Variants in MAGI2 observed in about 807,000 individuals in gnomAD.
The protein encoded by MAGI2 is membrane associated guanylate kinase, WW and PDZ domain containing 2.
A neutral mutation model predicts 133.3 loss-of-function variants in MAGI2; 35 were observed. That is an observed-to-expected ratio of 0.26 (90% CI 0.20 to 0.35). The LOEUF (loss-of-function observed/expected upper bound fraction) is 0.35. MAGI2 is among the 10% of genes least tolerant of loss of function. The pLI is 1.00. For synonymous variants in MAGI2, 729 were observed against 710.6 expected (o/e 1.03, Z -0.41); for missense variants, 1,636 against 1,863.4 (o/e 0.88, Z 2.25).
chr7:78,932,278 A>G (rs1040389181), intron 2 of MAGI2, among the ~76,000 whole-genome samples: 26 of 152,238 alleles, frequency 1.7e-4, no homozygotes, highest in Admixed American at 1.6e-3. Flanking sequence ...GATAATGTCA[A>G]AAAGGCCTGC....
intron 2 of MAGI2, among the ~76,000 whole-genome samples, chr7:78,730,412 C>CA (rs34294077): frequency 1.2e-4 from 17 of 138,232 alleles, no homozygotes; most frequent in African/African-American, 2.9e-4. Flanking sequence ...AATACTAAGC[C>CA]AAAAAAAAAA....
At chr7:78,306,447 C>A (rs1412777866) in intron 9 of MAGI2, among the ~76,000 whole-genome samples, 1 of 152,168 alleles carries the variant, frequency 6.6e-6, no homozygotes, top group Non-Finnish European at 1.5e-5. Context: ...CTAGTTGACA[C>A]TGGTTTGTTG....
chr7:79,008,398 T>C (rs2116540565), intron 1 of MAGI2, among the ~76,000 whole-genome samples: 1 of 152,268 alleles, frequency 6.6e-6, no homozygotes, highest in African/African-American at 2.4e-5. Context: ...TCTAAAGTTT[T>C]CAAAATCCAT....
intron 2 of MAGI2, among the ~76,000 whole-genome samples, chr7:78,763,745 T>A (rs1406838109): frequency 6.6e-6 from 1 of 152,162 alleles, no homozygotes; most frequent in Non-Finnish European, 1.5e-5. Flanking sequence ...GACATATAAC[T>A]TTTCATAGGC....
chr7:78,450,479 A>G (rs1033177879), intron 6 of MAGI2, among the ~76,000 whole-genome samples: 29 of 152,110 alleles, frequency 1.9e-4, no homozygotes, highest in Non-Finnish European at 1.3e-4. Flanking sequence ...CATTAATAAG[A>G]TGACTAAGTT....
chr7:78,501,925 T>C, intron 4 of MAGI2, 138 bp from the exon 5 acceptor site: 1 of 634,188 alleles, frequency 1.6e-6, no homozygotes, highest in Non-Finnish European at 2.8e-6. Context: ...TGAAAAAGCA[T>C]AATGATCACT....
At chr7:78,844,281 T>C (rs972712358) in intron 2 of MAGI2, among the ~76,000 whole-genome samples, 1 of 151,694 alleles carries the variant, frequency 6.6e-6, no homozygotes. Flanking sequence ...TGTACGAGAA[T>C]CATCCATCTA....
chr7:78,832,581 T>C (rs892670336), intron 2 of MAGI2, among the ~76,000 whole-genome samples: 2 of 152,206 alleles, frequency 1.3e-5, no homozygotes, highest in African/African-American at 4.8e-5. Context: ...TGAATGCCAG[T>C]TATAAGCTTC....
At chr7:78,720,867 T>A (rs1483662921) in intron 2 of MAGI2, among the ~76,000 whole-genome samples, 1 of 152,084 alleles carries the variant, frequency 6.6e-6, no homozygotes, top group Non-Finnish European at 1.5e-5. Flanking sequence ...CCACAAAGGA[T>A]ATAAAAATAG....
In MAGI2 at chr7:79,147,707, G is replaced by C. The variant is rs550017096; in HGVS notation, c.302-140501C>G. On this transcript the variant is annotated intron_variant, in intron 1 of 21. Transcript: ENST00000354212. ...CATCTTCTCTCTCTGCCCCTCTCCA[G>C]AAACAGACTCTGTGGAGGTGCATGT... Among the ~76,000 whole-genome samples, 6 of 152,234 alleles carry C rather than the reference G, an allele frequency of 3.9e-5. No homozygotes were observed. In the South Asian group the frequency reaches 1.2e-3, roughly 32 times the overall value.
Position 78,859,075 on chromosome 7 carries a change from T to A in MAGI2, c.418+148015A>T, listed in dbSNP as rs538640325. ...GGATTGCAACCCCTGCTTTTTTTTT[T>A]GTTTTCCATTTGCTTGGTAGATCTT... On this transcript the variant is annotated intron_variant, in intron 2 of 21. Coordinates refer to ENST00000354212, the MANE Select transcript of MAGI2 (RefSeq NM_012301.4). 2.0e-5 allele frequency among the ~76,000 whole-genome samples: 3 copies of A among 152,146 alleles called. No individual in the cohort carries two copies. In the East Asian group the frequency reaches 5.8e-4, roughly 29 times the overall value.
intron 2 of MAGI2, among the ~76,000 whole-genome samples, chr7:78,644,903 C>T (rs999172455): frequency 2.0e-5 from 3 of 151,974 alleles, no homozygotes; most frequent in African/African-American, 7.3e-5. Context: ...AGGGAATATA[C>T]AAATTATCAG....
At chr7:78,333,699 G>A (rs1475187969) in intron 9 of MAGI2, among the ~76,000 whole-genome samples, 2 of 152,160 alleles carry the variant, frequency 1.3e-5, no homozygotes, top group Non-Finnish European at 2.9e-5. Context: ...AGCAATGCCT[G>A]GCAAGATCTC....
intron 1 of MAGI2, among the ~76,000 whole-genome samples, chr7:79,264,270 A>T (rs1834287059): frequency 6.6e-6 from 1 of 152,160 alleles, no homozygotes; most frequent in South Asian, 2.1e-4. Flanking sequence ...TTTTTGAGAA[A>T]CAAAATGCTT....
intron 2 of MAGI2, among the ~76,000 whole-genome samples, chr7:78,859,894 G>A (rs976831763): frequency 1.3e-5 from 2 of 152,030 alleles, no homozygotes; most frequent in African/African-American, 2.4e-5. Flanking sequence ...CTTAGATTTG[G>A]TCTTTTCACC....
intron 6 of MAGI2, among the ~76,000 whole-genome samples, chr7:78,415,985 G>A (rs376246810): frequency 3.9e-5 from 6 of 152,092 alleles, no homozygotes; most frequent in Admixed American, 1.3e-4. Flanking sequence ...GGAAGTGGGT[G>A]GGGTGACTCC....
chr7:78,584,296 T>C (rs926899395), intron 3 of MAGI2, among the ~76,000 whole-genome samples: 1 of 151,838 alleles, frequency 6.6e-6, no homozygotes, highest in Non-Finnish European at 1.5e-5. Context: ...GGCAGTCGCC[T>C]GTAATCCCAG....
intron 10 of MAGI2, chr7:78,251,866 G>GGCACAGT (rs1168941402): frequency 1.3e-5 from 2 of 151,798 alleles, no homozygotes; most frequent in Non-Finnish European, 2.9e-5. Flanking sequence ...TCCTAGGCCA[G>GGCACAGT]GCACAGTGAC....
chr7:78,867,198 C>A (rs1046966537), intron 2 of MAGI2, among the ~76,000 whole-genome samples: 2 of 150,966 alleles, frequency 1.3e-5, no homozygotes, highest in African/African-American at 4.9e-5. Flanking sequence ...GGGTATATAC[C>A]CAAAGGACTA....
Sources: allele counts gnomAD v4.1 joint callset (sites outside exome capture counted in the v4.1 genomes callset), GRCh38; gene constraint gnomAD v4.1.1; transcripts MANE v1.5; gene names NCBI Gene and HGNC (gene_info 2026-07-23, HGNC 2026-07-21).